Variants in PPP1R9A observed in about 807,000 individuals in gnomAD.
PPP1R9A encodes the protein neurabin-1.
A neutral mutation model predicts 141.9 loss-of-function variants in PPP1R9A; 59 were observed. The ratio of observed to expected loss-of-function variants is 0.42; its 90% CI spans 0.34 to 0.52. PPP1R9A has a LOEUF of 0.52. Among genes scored for constraint, PPP1R9A ranks in the 20% least tolerant of loss-of-function variants. PPP1R9A has a pLI of 0.10. For missense variants in PPP1R9A, 1,444 were observed against 1,611.9 expected (o/e 0.90, Z 1.78); for synonymous variants, 500 against 569.7 (o/e 0.88, Z 1.74).
chr7:95,041,576 T>G (rs1203509722), intron 2 of PPP1R9A, among the ~76,000 whole-genome samples: 1 of 152,180 alleles, frequency 6.6e-6, no homozygotes, highest in Non-Finnish European at 1.5e-5. Context: ...CAATTGTCAC[T>G]CTAAAATATG....
intron 2 of PPP1R9A, among the ~76,000 whole-genome samples, chr7:94,958,270 G>C (rs1421617958): frequency 6.6e-6 from 1 of 152,060 alleles, no homozygotes; most frequent in Non-Finnish European, 1.5e-5. Flanking sequence ...CTGTTCTGCA[G>C]TTTAAATTGG....
intron 2 of PPP1R9A, among the ~76,000 whole-genome samples, chr7:95,019,733 A>G (rs1031304498): frequency 6.6e-6 from 1 of 152,310 alleles, no homozygotes; most frequent in Non-Finnish European, 1.5e-5. Context: ...GATGGCAAGC[A>G]TGTGGAACAA....
intron 12 of PPP1R9A, among the ~76,000 whole-genome samples, chr7:95,261,499 T>C (rs1800422026): frequency 6.6e-6 from 1 of 151,598 alleles, no homozygotes; most frequent in Non-Finnish European, 1.5e-5. Context: ...ACACTGTTGC[T>C]TGTGAGTTTT....
rs569989858 is a variant in PPP1R9A at position 95,203,969 on chromosome 7, A to G, written c.1956+239A>G. 3.9e-5 allele frequency among the ~76,000 whole-genome samples: 6 copies of G among 152,272 alleles called. No homozygotes were observed. The East Asian group carries it at 1.2e-3, about 29-fold the overall frequency. ...CTCATTTCTTAATATTTAGCCATGG[A>G]TATTTTTAACCCCTAACACTTTAAA... On this transcript the variant is annotated intron_variant, in intron 7 of 19. Transcript: ENST00000433360.
chr7:95,066,240 G>A (rs1219595017), intron 2 of PPP1R9A, among the ~76,000 whole-genome samples: 4 of 152,170 alleles, frequency 2.6e-5, no homozygotes, highest in African/African-American at 7.2e-5. Flanking sequence ...TAGACCGCAA[G>A]CCTAGGAGAG....
chr7:95,095,888 C>T (rs1355874644), intron 2 of PPP1R9A, among the ~76,000 whole-genome samples: 1 of 152,042 alleles, frequency 6.6e-6, no homozygotes, highest in African/African-American at 2.4e-5. Flanking sequence ...TTTTTCCCAC[C>T]ATGTGATGTC....
intron 8 of PPP1R9A, among the ~76,000 whole-genome samples, chr7:95,235,002 T>TTA (rs1563472074): frequency 3.3e-5 from 5 of 152,096 alleles, no homozygotes; most frequent in Non-Finnish European, 5.9e-5. Flanking sequence ...TCTCAACTTA[T>TTA]ACAAAAATCA....
chr7:95,182,008 A>C (rs1833930578), intron 5 of PPP1R9A, among the ~76,000 whole-genome samples: 1 of 151,650 alleles, frequency 6.6e-6, no homozygotes, highest in Non-Finnish European at 1.5e-5. Context: ...AGAATGATAC[A>C]ATGGACTCTG....
At chr7:95,055,283 T>A (rs1811361445) in intron 2 of PPP1R9A, among the ~76,000 whole-genome samples, 1 of 151,672 alleles carries the variant, frequency 6.6e-6, no homozygotes, top group Admixed American at 6.6e-5. Context: ...ACCTCCCCAT[T>A]TCTGTTGAGA....
At chr7:95,278,665 A>G (rs1432942911) in intron 16 of PPP1R9A, among the ~76,000 whole-genome samples, 4 of 152,364 alleles carry the variant, frequency 2.6e-5, no homozygotes, top group East Asian at 3.9e-4. Flanking sequence ...TGCTACAACA[A>G]TATAATTTAT....
At chr7:94,947,265 C>G (rs775842807) in intron 2 of PPP1R9A, among the ~76,000 whole-genome samples, 5 of 152,100 alleles carry the variant, frequency 3.3e-5, no homozygotes, top group Non-Finnish European at 7.3e-5. Flanking sequence ...CTGGACACTC[C>G]TTTATCAAGC....
intron 2 of PPP1R9A, among the ~76,000 whole-genome samples, chr7:95,096,117 G>T (rs1434342290): frequency 6.6e-6 from 1 of 152,134 alleles, no homozygotes; most frequent in Non-Finnish European, 1.5e-5. Context: ...TAAACCTCAA[G>T]TATGAATTCT....
intron 2 of PPP1R9A, among the ~76,000 whole-genome samples, chr7:94,964,168 ATATTT>A (rs1423637762): frequency 2.0e-5 from 3 of 152,102 alleles, no homozygotes; most frequent in African/African-American, 7.2e-5. Context: ...AAACTGTACC[ATATTT>A]TATTTATCCA....
chr7:95,036,095 G>A (rs578260113), intron 2 of PPP1R9A: 2 of 152,326 alleles, frequency 1.3e-5, no homozygotes, highest in South Asian at 2.1e-4. Context: ...CTTGCAACCT[G>A]TTGGTGGGTC....
At chr7:95,037,799 A>G (rs6966458) in intron 2 of PPP1R9A, among the ~76,000 whole-genome samples, 13,404 of 152,156 alleles carry the variant, frequency 0.088, 658 homozygotes, top group Admixed American at 0.15. Flanking sequence ...CTGACATTTT[A>G]AGATCAAGGA....
At chr7:95,289,729 A>C (rs1182893140) in intron 19 of PPP1R9A, among the ~76,000 whole-genome samples, 1 of 152,146 alleles carries the variant, frequency 6.6e-6, no homozygotes, top group Non-Finnish European at 1.5e-5. Flanking sequence ...GCAGGTGCTC[A>C]CTCCTATGCT....
intron 6 of PPP1R9A, among the ~76,000 whole-genome samples, chr7:95,201,728 T>C (rs1239191957): frequency 2.2e-4 from 34 of 152,196 alleles, no homozygotes; most frequent in Admixed American, 2.2e-3. Context: ...AATTTATTGA[T>C]TAGTATATCT....
intron 2 of PPP1R9A, among the ~76,000 whole-genome samples, chr7:94,982,716 T>C (rs1343272873): frequency 6.6e-6 from 1 of 152,236 alleles, no homozygotes; most frequent in Non-Finnish European, 1.5e-5. Flanking sequence ...TTGTAGATTC[T>C]GGATATTAGC....
chr7:95,282,982 T>A (rs1804554217), intron 16 of PPP1R9A, among the ~76,000 whole-genome samples: 1 of 152,302 alleles, frequency 6.6e-6, no homozygotes, highest in East Asian at 1.9e-4. Flanking sequence ...AGTATACATG[T>A]GGTGGGACAG....
Sources: gnomAD v4.1 joint callset for allele counts (sites outside exome capture counted in the v4.1 genomes callset) on GRCh38, gnomAD v4.1.1 for gene constraint, MANE v1.5 for transcripts, NCBI Gene and HGNC (gene_info 2026-07-23, HGNC 2026-07-21) for gene names.